Variants in PIWIL3 observed in about 807,000 individuals in gnomAD.
The protein encoded by PIWIL3 is piwi-like protein 3.
In PIWIL3, 101 loss-of-function variants were observed where a neutral mutation model predicts 109.7. That is an observed-to-expected ratio of 0.92 (90% CI 0.78 to 1.09). PIWIL3 has a LOEUF of 1.09. Ranked by LOEUF, PIWIL3 falls within the 50% of genes least tolerant of loss-of-function variation. The pLI is 0.00. For synonymous variants in PIWIL3, 373 were observed against 376.4 expected (o/e 0.99, Z 0.10); for missense variants, 1,031 against 1,072.6 (o/e 0.96, Z 0.54).
chr22:24,733,311 G>A (rs1923466673), intron 14 of PIWIL3, among the ~76,000 whole-genome samples: 1 of 152,174 alleles, frequency 6.6e-6, no homozygotes, highest in South Asian at 2.1e-4. Context: ...AAAAGAATTT[G>A]CTGTAGTAAT....
intron 14 of PIWIL3, among the ~76,000 whole-genome samples, chr22:24,730,495 C>CA (rs1260949104): frequency 6.6e-6 from 1 of 151,610 alleles, no homozygotes; most frequent in Non-Finnish European, 1.5e-5. Flanking sequence ...AGCAGCATAT[C>CA]ATGCACACAC....
chr22:24,754,335 T>C, intron 7 of PIWIL3, 118 bp from the exon 8 acceptor site: 1 of 782,046 alleles, frequency 1.3e-6, no homozygotes, highest in Non-Finnish European at 2.0e-6. Context: ...GTATTTATTC[T>C]TAGTCTTTTG....
At chr22:24,723,751 T>G (rs1922820810) in intron 18 of PIWIL3, among the ~76,000 whole-genome samples, 1 of 151,832 alleles carries the variant, frequency 6.6e-6, no homozygotes, top group Non-Finnish European at 1.5e-5. Flanking sequence ...CTCGGCTCAC[T>G]GCAACCTCCC....
chr22:24,742,772 C>A (rs1924086331), intron 12 of PIWIL3, among the ~76,000 whole-genome samples: 1 of 152,190 alleles, frequency 6.6e-6, no homozygotes, highest in African/African-American at 2.4e-5. Context: ...AGACTTAAAT[C>A]TAAGACCTGA....
chr22:24,735,750 C>G lies in PIWIL3; in HGVS notation c.1592G>C (p.Ser531Thr). ...EAMSLKGHLQSVTAPMGITMK... is the reference protein window; with the variant it reads ...EAMSLKGHLQTVTAPMGITMK... ...AGTTATGCCCATGGGGGCTGTGACA[C>G]TCTGTAGATGACCCTTTAAGGACAT... The change falls in exon 13 of 21, where the codon AGT (serine) becomes ACT (threonine). Residue 531 changes from serine to threonine, a missense_variant. Ser to Thr is a moderately conservative substitution (Grantham distance 58). Coordinates refer to ENST00000616349, the MANE Select transcript of PIWIL3 (RefSeq NM_001255975.1). 6.2e-7 allele frequency: 1 copy of G among 1,612,800 alleles called. No individual in the cohort carries two copies. The highest frequency in any genetic ancestry group is 8.5e-7 in the Non-Finnish European group (1 of 1,179,642).
chr22:24,754,931 A>G (rs2147704804), intron 6 of PIWIL3, 67 bp from the exon 7 acceptor site: 1 of 1,351,988 alleles, frequency 7.4e-7, no homozygotes, highest in East Asian at 2.3e-5. Flanking sequence ...GGTAAGACAC[A>G]TAAGGGAAAA....
At chr22:24,753,632 T>G (rs1340319558) in intron 8 of PIWIL3, among the ~76,000 whole-genome samples, 1 of 152,234 alleles carries the variant, frequency 6.6e-6, no homozygotes, top group East Asian at 1.9e-4. Flanking sequence ...CTTACCAATT[T>G]AAGGTTTCTG....
chr22:24,753,053 G>A (rs1924804409), intron 8 of PIWIL3, among the ~76,000 whole-genome samples: 1 of 152,072 alleles, frequency 6.6e-6, no homozygotes, highest in Non-Finnish European at 1.5e-5. Flanking sequence ...GTATATTCTA[G>A]ATACAGGTTA....
intron 8 of PIWIL3, among the ~76,000 whole-genome samples, chr22:24,753,602 T>C (rs971378437): frequency 7.4e-4 from 112 of 152,348 alleles, no homozygotes; most frequent in African/African-American, 2.6e-3. Flanking sequence ...GCTAAGTAAC[T>C]GGTTCTTTAA....
rs745475363 is a variant in PIWIL3, at chr22:24,719,927, A to C, written c.2358-32T>G. Reference sequence around the variant, plus strand: ...ATATAGGACATGTGGGTATCAGCTCATTTTAGAAAGAGGGTATATAGTAAA... The same window carrying C: ...ATATAGGACATGTGGGTATCAGCTCCTTTTAGAAAGAGGGTATATAGTAAA... On this transcript the variant is annotated intron_variant, in intron 19 of 20. Coordinates refer to ENST00000616349, the MANE Select transcript of PIWIL3 (RefSeq NM_001255975.1). 76 of 1,565,408 alleles carry C rather than the reference A, an allele frequency of 4.9e-5. 2 individuals carry two copies. In the South Asian group the frequency reaches 8.4e-4, roughly 17 times the overall value.
At position 24,724,905 on chromosome 22, in the gene PIWIL3, T is replaced by G. The variant is rs764788167; in HGVS notation, c.2213A>C (p.Lys738Thr). ...AACCTACTTGTTAGGAGAGATGGTT[T>G]TTAAGTAGGTCGACATCTTTTTCGC... ...HEAKKMSTYL[K>T]TISPNNFTLA... Residue 738 changes from lysine to threonine, a missense_variant, in exon 18 of 21, where the codon AAA becomes ACA. Coordinates refer to ENST00000616349, the MANE Select transcript of PIWIL3 (RefSeq NM_001255975.1). The G allele has an allele frequency of 6.2e-7, 1 of 1,613,958 alleles. No individual in the cohort carries two copies. Among genetic ancestry groups the G allele is most frequent in the Non-Finnish European group, 8.5e-7 (1 of 1,179,948 alleles).
intron 18 of PIWIL3, 141 bp downstream of exon 18, chr22:24,724,746 A>G (rs374294208): frequency 5.2e-5 from 52 of 992,838 alleles, no homozygotes; most frequent in East Asian, 4.1e-4. Context: ...CAATTTTTTC[A>G]TTTTTTGTAG....
chr22:24,760,195 C>T (rs186269309), intron 2 of PIWIL3, among the ~76,000 whole-genome samples: 7 of 152,200 alleles, frequency 4.6e-5, no homozygotes, highest in South Asian at 2.1e-4. Context: ...CAAAACAAAC[C>T]GAGGAGAATC....
intron 1 of PIWIL3, 59 bp from the exon 2 acceptor site, chr22:24,762,580 T>A: frequency 7.4e-7 from 1 of 1,350,538 alleles, no homozygotes; most frequent in African/African-American, 1.5e-5. Context: ...TTACTCTCTT[T>A]AGGGTTGCTA....
Position 24,736,595 on chromosome 22 carries a change from T to C in PIWIL3, c.1450-703A>G, listed in dbSNP as rs114210204. On this transcript the variant is annotated intron_variant, in intron 12 of 20. Coordinates refer to ENST00000616349, the MANE Select transcript of PIWIL3 (RefSeq NM_001255975.1). ...GAGGAACACTAAGTTTGACAACTAT[T>C]TGTACAAAGGGAGCACCTTCATAGG... 4.3e-3 allele frequency among the ~76,000 whole-genome samples: 649 copies of C among 152,286 alleles called. 4 individuals carry two copies. The highest frequency in any genetic ancestry group is 0.015 in the African/African-American group (620 of 41,564).
intron 12 of PIWIL3, among the ~76,000 whole-genome samples, chr22:24,743,209 A>G (rs906308309): frequency 6.6e-6 from 1 of 152,244 alleles, no homozygotes; most frequent in African/African-American, 2.4e-5. Context: ...AGATGTTGAC[A>G]TGGATGTGGC....
intron 12 of PIWIL3, among the ~76,000 whole-genome samples, chr22:24,741,648 C>G (rs915659360): frequency 2.0e-4 from 30 of 152,056 alleles, no homozygotes; most frequent in African/African-American, 7.2e-4. Flanking sequence ...GCAAAGGACA[C>G]AAGTCTCAAA....
At chr22:24,770,842 T>A (rs148869075) in intron 1 of PIWIL3, among the ~76,000 whole-genome samples, 78 of 150,140 alleles carry the variant, frequency 5.2e-4, no homozygotes, top group African/African-American at 1.8e-3. Flanking sequence ...CTCAAAAAAA[T>A]AATAATAATA....
At chr22:24,762,942 A>T (rs1392221580) in intron 1 of PIWIL3, among the ~76,000 whole-genome samples, 2 of 151,816 alleles carry the variant, frequency 1.3e-5, no homozygotes, top group Non-Finnish European at 2.9e-5. Context: ...TGGGGATCAA[A>T]TTTCAGCCTC....
Sources: gnomAD v4.1 joint callset for allele counts (sites outside exome capture counted in the v4.1 genomes callset) on GRCh38, gnomAD v4.1.1 for gene constraint, MANE v1.5 for transcripts, NCBI Gene and HGNC (gene_info 2026-07-23, HGNC 2026-07-21) for gene names.